The following PMEPA1 variants were observed in gnomAD, a reference collection of about 807,000 sequenced individuals.
PMEPA1 encodes the protein protein TMEPAI.
A neutral mutation model predicts 23.0 loss-of-function variants in PMEPA1; 11 were observed. The ratio of observed to expected loss-of-function variants is 0.48; its 90% confidence interval spans 0.30 to 0.79. The LOEUF (loss-of-function observed/expected upper bound fraction) is 0.79, where lower values mean the gene tolerates loss of function less well. Ranked by LOEUF, PMEPA1 falls within the 30% of genes least tolerant of loss-of-function variation. The pLI is 0.06. For synonymous variants in PMEPA1, 204 were observed against 166.4 expected (o/e 1.23, Z -1.74); for missense variants, 377 against 390.9 (o/e 0.96, Z 0.30).
rs1484461561 is a variant in PMEPA1 at position 57,707,467 on chromosome 20, C to G, written c.109+2007G>C. ...ACTAACTGGGGCACCCAGGGGCCAGCTGGAACAGGCTAGGGTTCCAGGTAT... is the reference window on the plus strand; with the variant it reads ...ACTAACTGGGGCACCCAGGGGCCAGGTGGAACAGGCTAGGGTTCCAGGTAT... On this transcript the variant is annotated intron_variant, in intron 1 of 3. Coordinates refer to ENST00000341744, the MANE Select transcript of PMEPA1 (RefSeq NM_020182.5). 3.3e-5 allele frequency among the ~76,000 whole-genome samples: 5 copies of G among 152,196 alleles called. No individual in the cohort carries two copies. In the South Asian group the frequency reaches 8.3e-4, roughly 25 times the overall value.
intron 1 of PMEPA1, among the ~76,000 whole-genome samples, chr20:57,666,341 A>AG (rs967923066): frequency 6.6e-5 from 10 of 152,000 alleles, no homozygotes; most frequent in Admixed American, 1.3e-4. Context: ...GATGCCATGC[A>AG]GGGGGGCCGA....
chr20:57,652,191 G>A lies in PMEPA1; in HGVS notation c.726C>T (p.Ser242=). ...CACTGCTCTGCTGGTGCTGGAAGGAGGACCCCGGGTAGTGGCCGATGACCT... is the reference window on the plus strand; with the variant it reads ...CACTGCTCTGCTGGTGCTGGAAGGAAGACCCCGGGTAGTGGCCGATGACCT... The part of the protein sequence containing the change: ...YSEVIGHYPG[S]SFQHQQSSGP... Residue 242 remains serine, a synonymous_variant, in exon 4 of 4, where the codon TCC becomes TCT. Coordinates refer to ENST00000341744, the MANE Select transcript of PMEPA1 (RefSeq NM_020182.5). The surrounding 1 kb of genome is among the most constrained non-coding windows in gnomAD (Gnocchi z 6.1). 6.2e-7 allele frequency: 1 copy of A among 1,609,890 alleles called. No individual in the cohort carries two copies. Among genetic ancestry groups the A allele is most frequent in the Non-Finnish European group, 8.5e-7 (1 of 1,178,954 alleles).
At chr20:57,660,853 C>T (rs902048245) in intron 1 of PMEPA1, among the ~76,000 whole-genome samples, 1 of 152,156 alleles carries the variant, frequency 6.6e-6, no homozygotes, top group Non-Finnish European at 1.5e-5. Flanking sequence ...AACACACGAC[C>T]CAACACTCCT....
In PMEPA1 at chr20:57,682,170, G is replaced by T. The variant is rs2071726499; in HGVS notation, c.110-22473C>A. ...AGATGGGTGATTCGCCCAAATACCG[G>T]GTCTGTCCTCCTTCCTTAGGTCACT... On this transcript the variant is annotated intron_variant, in intron 1 of 3. Coordinates refer to ENST00000341744, the MANE Select transcript of PMEPA1 (RefSeq NM_020182.5). The surrounding 1 kb of genome is among the most constrained non-coding windows in gnomAD (Gnocchi z 4.4). Among the ~76,000 whole-genome samples, 1 of 152,102 alleles carries T rather than the reference G, an allele frequency of 6.6e-6. No homozygotes were observed. The highest frequency in any genetic ancestry group is 1.5e-5 in the Non-Finnish European group (1 of 68,024).
At position 57,659,523 on chromosome 20, in the gene PMEPA1, T is replaced by G; in HGVS notation, c.264+20A>C. 6.2e-7 allele frequency: 1 copy of G among 1,611,060 alleles called. No homozygotes were observed. The highest frequency in any genetic ancestry group is 1.3e-5 in the African/African-American group (1 of 74,988). ...CACTGCCGCACCCTCAGGCCACAGA[T>G]GGGATGGCGGGGCACTTACTGAGGA... is the stretch of plus-strand genomic sequence containing the variant. On this transcript the variant is annotated intron_variant, in intron 2 of 3. Transcript: ENST00000341744.
chr20:57,689,112 C>A (rs557701815), intron 1 of PMEPA1, among the ~76,000 whole-genome samples: 1 of 152,332 alleles, frequency 6.6e-6, no homozygotes, highest in African/African-American at 2.4e-5. Context: ...TTTCAAAACG[C>A]GTTTCTGTTT....
intron 1 of PMEPA1, among the ~76,000 whole-genome samples, chr20:57,687,764 C>T (rs962115700): frequency 1.3e-5 from 2 of 152,224 alleles, no homozygotes; most frequent in Admixed American, 6.5e-5. Context: ...GAAATATCCA[C>T]AGCAATGTCC....
In PMEPA1 at chr20:57,652,624, G is replaced by A; in HGVS notation, c.319-26C>T. 6.9e-7 allele frequency: 1 copy of A among 1,444,928 alleles called. No individual in the cohort carries two copies. Among genetic ancestry groups the A allele is most frequent in the Non-Finnish European group, 9.1e-7 (1 of 1,100,464 alleles). 89.5% of individuals were successfully genotyped at this position (1,444,928 alleles called of 1,614,324 possible). A position where few individuals can be genotyped will look rare whatever the true frequency, so the allele number is the denominator to read the frequency against. ...CTGGAGGAAGCAGAGCGGGAGTGAG[G>A]GAGGGCGGCTGTCTCAGGTGGGTTG... On this transcript the variant is annotated intron_variant, in intron 3 of 3. Transcript: ENST00000341744. The surrounding 1 kb of genome is among the most constrained non-coding windows in gnomAD (Gnocchi z 6.1).
At chr20:57,700,589 G>A (rs954662460) in intron 1 of PMEPA1, among the ~76,000 whole-genome samples, 25 of 152,190 alleles carry the variant, frequency 1.6e-4, no homozygotes, top group Admixed American at 1.6e-3. Context: ...TTGGTTCGTG[G>A]AGGTCACAAT....
chr20:57,697,202 T>C (rs1469058818), intron 1 of PMEPA1, among the ~76,000 whole-genome samples: 3 of 152,194 alleles, frequency 2.0e-5, no homozygotes, highest in Non-Finnish European at 4.4e-5. Flanking sequence ...CAGTCAGCCA[T>C]TTGTCTGCAC....
At chr20:57,692,037 G>T (rs1329171586) in intron 1 of PMEPA1, among the ~76,000 whole-genome samples, 1 of 152,100 alleles carries the variant, frequency 6.6e-6, no homozygotes, top group Non-Finnish European at 1.5e-5. Context: ...CCTTTTCACG[G>T]GTAGGTCCCG....
In PMEPA1 at chr20:57,683,412, T is replaced by C. The variant is rs1029534970; in HGVS notation, c.110-23715A>G. On this transcript the variant is annotated intron_variant, in intron 1 of 3. Coordinates refer to ENST00000341744, the MANE Select transcript of PMEPA1 (RefSeq NM_020182.5). This position sits in a 1 kb window ranked among gnomAD's most constrained non-coding sequence, Gnocchi z 4.3. ...AAGACCCAATTACAGCGCAGACGCA[T>C]CTGCCAGCCTGAGGATCCAATATTT... Among the ~76,000 whole-genome samples, 9 of 152,150 alleles carry C rather than the reference T, an allele frequency of 5.9e-5. No individual in the cohort carries two copies. The highest frequency in any genetic ancestry group is 1.0e-4 in the Non-Finnish European group (7 of 68,036).
intron 1 of PMEPA1, among the ~76,000 whole-genome samples, chr20:57,689,777 G>T (rs745737335): frequency 6.6e-6 from 1 of 152,174 alleles, no homozygotes; most frequent in Non-Finnish European, 1.5e-5. Context: ...CCCTCTCTGG[G>T]TCTCAGGGAC....
chr20:57,702,990 T>C (rs530361075), intron 1 of PMEPA1, among the ~76,000 whole-genome samples: 2 of 152,186 alleles, frequency 1.3e-5, no homozygotes, highest in Non-Finnish European at 2.9e-5. Context: ...TGGTAAGTCA[T>C]TCTGGGATTT....
At chr20:57,706,191 G>A (rs983625823) in intron 1 of PMEPA1, among the ~76,000 whole-genome samples, 8 of 152,198 alleles carry the variant, frequency 5.3e-5, no homozygotes, top group African/African-American at 9.7e-5. Context: ...CGCCTCCCGC[G>A]TGAGCAGACA....
Position 57,682,901 on chromosome 20 carries a change from C to A in PMEPA1, c.110-23204G>T, listed in dbSNP as rs2071739713. Among the ~76,000 whole-genome samples the A allele has an allele frequency of 6.6e-6, 1 of 152,352 alleles. No individual in the cohort carries two copies. On this transcript the variant is annotated intron_variant, in intron 1 of 3. Transcript: ENST00000341744. This position sits in a 1 kb window ranked among gnomAD's most constrained non-coding sequence, Gnocchi z 4.4. ...TCCCCACCACATCTGTTTTGCCTGA[C>A]AAATGAGCAGCAGCTCGCCTCCTAA...
At chr20:57,678,788 C>T (rs1289807488) in intron 1 of PMEPA1, among the ~76,000 whole-genome samples, 1 of 152,244 alleles carries the variant, frequency 6.6e-6, no homozygotes, top group Non-Finnish European at 1.5e-5. Context: ...CCTCCAACCT[C>T]TGTCTTAAAG....
chr20:57,677,668 C>T (rs2071656637), intron 1 of PMEPA1, among the ~76,000 whole-genome samples: 1 of 152,218 alleles, frequency 6.6e-6, no homozygotes, highest in South Asian at 2.1e-4. Flanking sequence ...AGCAATTGCA[C>T]TCCTGGGCAT....
chr20:57,658,093 C>T (rs1276303647), intron 2 of PMEPA1, among the ~76,000 whole-genome samples: 4 of 152,364 alleles, frequency 2.6e-5, no homozygotes, highest in African/African-American at 7.2e-5. Context: ...GGGCTTCAGG[C>T]GGCCGACATG....
Sources: gnomAD v4.1 joint callset for allele counts (sites outside exome capture counted in the v4.1 genomes callset) on GRCh38, gnomAD v4.1.1 for gene constraint, Gnocchi (gnomAD v3.1) non-coding constraint, MANE v1.5 for transcripts, NCBI Gene and HGNC (gene_info 2026-07-23, HGNC 2026-07-21) for gene names.